Variants in ZNF827 observed in about 807,000 individuals in gnomAD.
ZNF827 encodes the protein zinc finger protein 827.
A neutral mutation model predicts 102.4 loss-of-function variants in ZNF827; 13 were observed. The ratio of observed to expected loss-of-function variants is 0.13; its 90% CI spans 0.08 to 0.20. The LOEUF (loss-of-function observed/expected upper bound fraction) is 0.20. Among genes scored for constraint, ZNF827 ranks in the 10% least tolerant of loss-of-function variants. The pLI is 1.00. For missense variants in ZNF827, 1,103 were observed against 1,344.4 expected (o/e 0.82, Z 2.81); for synonymous variants, 523 against 536.2 (o/e 0.98, Z 0.34).
chr4:145,872,856 C>T (rs13130892), intron 4 of ZNF827, among the ~76,000 whole-genome samples: 8,303 of 150,506 alleles, frequency 0.055, 254 homozygotes, highest in African/African-American at 0.07. Flanking sequence ...GCCTGGGTGA[C>T]GGAGCGAGAT....
intron 7 of ZNF827, chr4:145,831,709 T>C (rs926835201): frequency 2.0e-5 from 3 of 152,200 alleles, no homozygotes; most frequent in African/African-American, 7.2e-5. Context: ...TCTCCTTACT[T>C]TTTAGAGATA....
At chr4:145,901,308 G>A (rs1751393373) in intron 2 of ZNF827, among the ~76,000 whole-genome samples, 2 of 152,184 alleles carry the variant, frequency 1.3e-5, no homozygotes, top group African/African-American at 4.8e-5. Context: ...TCCCAGGAAC[G>A]TGTATTTATC....
chr4:145,916,026 C>G (rs960161709), intron 1 of ZNF827, among the ~76,000 whole-genome samples: 1 of 152,240 alleles, frequency 6.6e-6, no homozygotes, highest in Non-Finnish European at 1.5e-5. Context: ...CCCCTGTACA[C>G]TGGGGTGGGG....
At chr4:145,812,594 C>G (rs1401370393) in intron 8 of ZNF827, among the ~76,000 whole-genome samples, 2 of 151,988 alleles carry the variant, frequency 1.3e-5, no homozygotes, top group Non-Finnish European at 2.9e-5. Context: ...GTGGCGTGAT[C>G]TAGGCTCACT....
intron 1 of ZNF827, among the ~76,000 whole-genome samples, chr4:145,927,096 G>C (rs1050824138): frequency 9.9e-5 from 15 of 152,012 alleles, no homozygotes; most frequent in Admixed American, 2.0e-4. Flanking sequence ...TGGAGCGTAG[G>C]GTCTCCCACA....
At chr4:145,823,272 G>T in intron 8 of ZNF827, 150 bp downstream of exon 8, 1 of 625,296 alleles carries the variant, frequency 1.6e-6, no homozygotes. Context: ...AACTTTTGTA[G>T]CTTAAATTGA....
At chr4:145,887,529 A>G (rs1055026430) in intron 3 of ZNF827, among the ~76,000 whole-genome samples, 2 of 152,220 alleles carry the variant, frequency 1.3e-5, no homozygotes, top group Non-Finnish European at 2.9e-5. Flanking sequence ...CCCCCAAAGC[A>G]CGAGTTTCTT....
rs1356884916 is a variant in ZNF827 at position 145,936,817 on chromosome 4, C to A, written c.43+1548G>T. ...TGACCGACCACGTCGGCCTGACACC[C>A]GGGCGGGCGGGCGCTCCGGCTCCAC... On this transcript the variant is annotated intron_variant, in intron 1 of 14. Transcript: ENST00000508784. Among the ~76,000 whole-genome samples, 12 of 152,286 alleles carry A rather than the reference C, an allele frequency of 7.9e-5. No homozygotes were observed. In the East Asian group the frequency reaches 2.3e-3, roughly 29 times the overall value.
At chr4:145,910,284 A>G (rs1752184578) in intron 1 of ZNF827, among the ~76,000 whole-genome samples, 2 of 152,208 alleles carry the variant, frequency 1.3e-5, no homozygotes, top group South Asian at 4.1e-4. Context: ...TCGAAAAAGT[A>G]GCTAAGTCAG....
At chr4:145,912,215 T>C (rs1476676160) in intron 1 of ZNF827, among the ~76,000 whole-genome samples, 1 of 152,240 alleles carries the variant, frequency 6.6e-6, no homozygotes, top group East Asian at 1.9e-4. Context: ...AATATGTTGA[T>C]GCTGTTATTA....
intron 5 of ZNF827, among the ~76,000 whole-genome samples, chr4:145,857,704 C>G (rs1359336444): frequency 6.6e-6 from 1 of 152,092 alleles, no homozygotes; most frequent in Non-Finnish European, 1.5e-5. Flanking sequence ...CTTTGGCAGC[C>G]CAGCAGATGA....
chr4:145,885,273 G>A (rs1041848302), intron 4 of ZNF827, among the ~76,000 whole-genome samples: 5 of 152,012 alleles, frequency 3.3e-5, no homozygotes, highest in African/African-American at 1.2e-4. Flanking sequence ...TAAAGAACTT[G>A]AATAATGCCA....
intron 4 of ZNF827, among the ~76,000 whole-genome samples, chr4:145,872,931 T>A (rs1184435345): frequency 3.4e-5 from 5 of 147,252 alleles, no homozygotes; most frequent in South Asian, 2.2e-4. Context: ...AAGGCAACAA[T>A]TTTTTTTTCT....
rs77736218 is a variant in ZNF827, at chr4:145,799,004, C to T, written c.2384-19493G>A. ...ATGTTATCTAAAGTTGACAACTACA[C>T]TGAATTTCTAGCTTGGCCACCAATG... On this transcript the variant is annotated intron_variant, in intron 8 of 14. Transcript: ENST00000508784. Among the ~76,000 whole-genome samples, 1,322 of 152,328 alleles carry T rather than the reference C, an allele frequency of 8.7e-3. 12 individuals are homozygous for T. Among genetic ancestry groups the T allele is most frequent in the African/African-American group, 0.03 (1,229 of 41,570 alleles).
intron 8 of ZNF827, among the ~76,000 whole-genome samples, chr4:145,805,519 C>G (rs1303207235): frequency 1.3e-5 from 2 of 152,182 alleles, no homozygotes; most frequent in Non-Finnish European, 2.9e-5. Context: ...TATAAAAATT[C>G]TGCTCAGCAA....
chr4:145,921,459 T>C (rs1579575757), intron 1 of ZNF827, among the ~76,000 whole-genome samples: 1 of 73,752 alleles, frequency 1.4e-5, no homozygotes, highest in South Asian at 5.0e-4. Flanking sequence ...AGGGGAGAGG[T>C]GAGACTCAGG....
chr4:145,794,285 T>G (rs558534080), intron 8 of ZNF827, among the ~76,000 whole-genome samples: 2 of 152,354 alleles, frequency 1.3e-5, no homozygotes, highest in East Asian at 3.9e-4. Flanking sequence ...GTATGGCTGC[T>G]TTTTCAGCGT....
At chr4:145,879,007 A>G (rs1004472240) in intron 4 of ZNF827, among the ~76,000 whole-genome samples, 1 of 152,170 alleles carries the variant, frequency 6.6e-6, no homozygotes, top group African/African-American at 2.4e-5. Context: ...GACACAAAAA[A>G]TTTAACTAGA....
At chr4:145,837,427 G>T (rs1329672798) in intron 7 of ZNF827, among the ~76,000 whole-genome samples, 1 of 151,736 alleles carries the variant, frequency 6.6e-6, no homozygotes, top group African/African-American at 2.4e-5. Flanking sequence ...TTTTTATTAG[G>T]CCCCAGTCTC....
Sources: gnomAD v4.1 joint callset for allele counts (sites outside exome capture counted in the v4.1 genomes callset) on GRCh38, gnomAD v4.1.1 for gene constraint, MANE v1.5 for transcripts, NCBI Gene and HGNC (gene_info 2026-07-23, HGNC 2026-07-21) for gene names.